The following MYOCD variants were observed in gnomAD, a reference collection of about 807,000 sequenced individuals.
MYOCD encodes the protein myocardin.
Under a neutral mutation model 96.1 loss-of-function variants are expected in MYOCD, and 32 were observed. That is an observed-to-expected ratio of 0.33 (90% confidence interval 0.25 to 0.45). The LOEUF is 0.45. Ranked by LOEUF, MYOCD falls within the 20% of genes least tolerant of loss-of-function variation. The pLI is 1.00. For missense variants in MYOCD, 1,133 were observed against 1,200.6 expected (o/e 0.94, Z 0.83); for synonymous variants, 469 against 469.0 (o/e 1.00, Z 0.00).
intron 13 of MYOCD, chr17:12,760,946 T>C (rs770157917): frequency 4.5e-6 from 2 of 446,038 alleles, no homozygotes; most frequent in Non-Finnish European, 8.1e-6. Context: ...TTTAATAGTT[T>C]TCATGTTTCA....
rs1173315213 is a variant in MYOCD at position 12,763,616 on chromosome 17, C to T, written c.2933C>T (p.Ser978Phe). 6.2e-7 allele frequency: 1 copy of T among 1,613,042 alleles called. No individual in the cohort carries two copies. The highest frequency in any genetic ancestry group is 8.5e-7 in the Non-Finnish European group (1 of 1,179,428). ...GTCACTGATCTCAATTTGAATTCTT[C>T]CATGGACCTTCACTTGCAGCAGTGG... ...LDVTDLNLNS[S>F]MDLHLQQW The change falls in exon 14 of 14, where the codon TCC (serine) becomes TTC (phenylalanine). Residue 978 changes from serine to phenylalanine, a missense_variant. By Grantham distance (155) the Ser-to-Phe change is radical. Coordinates refer to ENST00000425538, the MANE Select transcript of MYOCD (RefSeq NM_001146312.3).
Position 12,766,321 on chromosome 17 carries a change from G to T in MYOCD, c.*2677G>T, listed in dbSNP as rs2033340166. On this transcript the variant is annotated 3_prime_UTR_variant, in exon 14 of 14. Transcript: ENST00000425538. Reference sequence around the variant, plus strand: ...TCTCCAGATTGTACCTTTTTATGGGGATCTTTGAGGCTATGACCCAGGACT... The same window carrying T: ...TCTCCAGATTGTACCTTTTTATGGGTATCTTTGAGGCTATGACCCAGGACT... 6.6e-6 allele frequency: 1 copy of T among 152,142 alleles called. No individual in the cohort carries two copies. Among genetic ancestry groups the T allele is most frequent in the South Asian group, 2.1e-4 (1 of 4,828 alleles). The allele number at this position is 152,142 out of a possible 1,614,324, so 9.4% of individuals were successfully genotyped here.
chr17:12,739,373 A>T (rs760645713), intron 7 of MYOCD, 45 bp downstream of exon 7: 1 of 1,499,286 alleles, frequency 6.7e-7, no homozygotes, highest in South Asian at 1.4e-5. Flanking sequence ...CGCTCGGCTC[A>T]CAGAGCCGAC....
At chr17:12,687,216 A>T (rs964607908) in intron 1 of MYOCD, among the ~76,000 whole-genome samples, 3 of 152,106 alleles carry the variant, frequency 2.0e-5, no homozygotes, top group Non-Finnish European at 4.4e-5. Context: ...CACTTTCAGT[A>T]ATATGTTTTA....
intron 10 of MYOCD, among the ~76,000 whole-genome samples, chr17:12,754,311 C>T (rs758987490): frequency 1.2e-4 from 19 of 152,192 alleles, no homozygotes; most frequent in Non-Finnish European, 2.4e-4. Context: ...ACCATGTTGG[C>T]CAGGCTGGTC....
chr17:12,697,274 T>C (rs903943953), intron 1 of MYOCD, among the ~76,000 whole-genome samples: 2 of 150,592 alleles, frequency 1.3e-5, no homozygotes, highest in African/African-American at 2.4e-5. Context: ...TTTGTGTGTT[T>C]CATAAATTAC....
chr17:12,688,883 C>G (rs557298925), intron 1 of MYOCD, among the ~76,000 whole-genome samples: 8 of 152,214 alleles, frequency 5.3e-5, no homozygotes, highest in Non-Finnish European at 1.2e-4. Context: ...TCTTGTTTCC[C>G]TCCTGGAGCA....
chr17:12,701,649 T>C (rs546075716), intron 1 of MYOCD, among the ~76,000 whole-genome samples: 1 of 152,286 alleles, frequency 6.6e-6, no homozygotes, highest in East Asian at 1.9e-4. Flanking sequence ...TTTCTCTTTT[T>C]CTAATATAAG....
intron 1 of MYOCD, among the ~76,000 whole-genome samples, chr17:12,703,850 A>T (rs1032422701): frequency 6.6e-6 from 1 of 152,086 alleles, no homozygotes; most frequent in East Asian, 1.9e-4. Context: ...CCATTCAATA[A>T]TTTTTTATTC....
intron 12 of MYOCD, 110 bp downstream of exon 12, chr17:12,758,323 A>T: frequency 2.0e-6 from 3 of 1,513,582 alleles, no homozygotes; most frequent in Non-Finnish European, 2.7e-6. Context: ...TGAGTGTGTC[A>T]TGTGCCATAC....
At chr17:12,677,372 A>G (rs1910129716) in intron 1 of MYOCD, among the ~76,000 whole-genome samples, 2 of 152,180 alleles carry the variant, frequency 1.3e-5, no homozygotes, top group Admixed American at 1.3e-4. Context: ...TACCTGGGTA[A>G]CAAACCTGCA....
chr17:12,716,550 T>G (rs1012572989), intron 3 of MYOCD, among the ~76,000 whole-genome samples: 1 of 152,228 alleles, frequency 6.6e-6, no homozygotes, highest in African/African-American at 2.4e-5. Context: ...GGTCTGAATC[T>G]GTAGGCTTTA....
At chr17:12,755,943 T>C (rs2032999810) in intron 10 of MYOCD, among the ~76,000 whole-genome samples, 1 of 152,250 alleles carries the variant, frequency 6.6e-6, no homozygotes, top group Admixed American at 6.5e-5. Context: ...CTTACAACAT[T>C]AAATGCTGGT....
In MYOCD at chr17:12,745,900, C is replaced by T; in HGVS notation, c.972-19C>T. The T allele has an allele frequency of 6.2e-7, 1 of 1,612,906 alleles. No individual in the cohort carries two copies. Among genetic ancestry groups the T allele is most frequent in the Non-Finnish European group, 8.5e-7 (1 of 1,179,618 alleles). ...CAATATTTGATTGTACTTGAAATGC[C>T]TCTTTGTTTGTTTTTTAGGGAACCA... is the stretch of plus-strand genomic sequence containing the variant. On this transcript the variant is annotated intron_variant, in intron 8 of 13. Transcript: ENST00000425538.
chr17:12,688,147 A>G (rs2030226756), intron 1 of MYOCD, among the ~76,000 whole-genome samples: 1 of 152,190 alleles, frequency 6.6e-6, no homozygotes. Context: ...AAGCATTGGA[A>G]AGTCTCCTAC....
At chr17:12,743,486 C>CTTTTTTT (rs373893604) in intron 7 of MYOCD, among the ~76,000 whole-genome samples, 4 of 98,314 alleles carry the variant, frequency 4.1e-5, no homozygotes, top group Non-Finnish European at 7.7e-5. Context: ...TATGAAAGTT[C>CTTTTTTT]TTTTTTTTTT....
intron 1 of MYOCD, among the ~76,000 whole-genome samples, chr17:12,671,064 C>G (rs887102235): frequency 6.6e-6 from 1 of 152,182 alleles, no homozygotes; most frequent in Admixed American, 6.5e-5. Flanking sequence ...CACTATTGGA[C>G]AGACTAAACC....
intron 1 of MYOCD, among the ~76,000 whole-genome samples, chr17:12,695,418 G>A (rs954989369): frequency 6.6e-6 from 1 of 152,174 alleles, no homozygotes; most frequent in Non-Finnish European, 1.5e-5. Context: ...GATTAAGATC[G>A]CAACATATAG....
chr17:12,756,315 G>A, intron 10 of MYOCD, 99 bp from the exon 11 acceptor site: 3 of 1,352,516 alleles, frequency 2.2e-6, no homozygotes, highest in Non-Finnish European at 3.1e-6. Context: ...TTGTAAAAAT[G>A]ACACCAGGGG....
Sources: allele counts gnomAD v4.1 joint callset (sites outside exome capture counted in the v4.1 genomes callset), GRCh38; gene constraint gnomAD v4.1.1; transcripts MANE v1.5; gene names NCBI Gene and HGNC (gene_info 2026-07-23, HGNC 2026-07-21).